SLC45A1: variants seen among roughly 807,000 people sequenced by gnomAD.
SLC45A1 encodes the protein solute carrier family 45 member 1.
SLC45A1 carries 28 observed loss-of-function variants against 57.6 expected under a neutral mutation model. The observed-to-expected ratio is 0.49, with a 90% CI of 0.36 to 0.67. SLC45A1 has a LOEUF of 0.67. Among genes scored for constraint, SLC45A1 ranks in the 30% least tolerant of loss-of-function variants. The pLI is 0.00. For synonymous variants in SLC45A1, 459 were observed against 471.5 expected (o/e 0.97, Z 0.34); for missense variants, 814 against 1,041.5 (o/e 0.78, Z 3.01).
chr1:8,324,762 C>G (rs115332835), intron 2 of SLC45A1, 36 bp downstream of exon 2: 1 of 1,527,574 alleles, frequency 6.5e-7, no homozygotes, highest in Non-Finnish European at 8.8e-7. Flanking sequence ...TGGAGGGCCT[C>G]TGGAAGCCTC....
At chr1:8,338,184 C>T (rs1394633540) in intron 7 of SLC45A1, among the ~76,000 whole-genome samples, 192 bp downstream of exon 7, 1 of 152,252 alleles carries the variant, frequency 6.6e-6, no homozygotes. Context: ...GCTTACCAGC[C>T]TCAGGCCTCC....
At chr1:8,331,938 G>A (rs545912372) in intron 5 of SLC45A1, among the ~76,000 whole-genome samples, 8 of 152,082 alleles carry the variant, frequency 5.3e-5, no homozygotes, top group Admixed American at 1.3e-4. Flanking sequence ...GGCTACAGGC[G>A]CCCGCCACCA....
intron 8 of SLC45A1, among the ~76,000 whole-genome samples, chr1:8,341,642 G>C (rs1211234881): frequency 6.6e-6 from 1 of 151,572 alleles, no homozygotes; most frequent in African/African-American, 2.4e-5. Context: ...CATTTAAAAG[G>C]CCAAACGCAG....
intron 1 of SLC45A1, among the ~76,000 whole-genome samples, chr1:8,321,873 TG>T (rs1640016684): frequency 7.1e-6 from 1 of 140,590 alleles, no homozygotes; most frequent in African/African-American, 2.7e-5. Flanking sequence ...GAAGAGTGGC[TG>T]GTGGATGAAT....
chr1:8,339,655 C>T lies in SLC45A1; in HGVS notation c.1937C>T (p.Thr646Ile), dbSNP rs758661029. 5.6e-6 allele frequency: 9 copies of T among 1,614,120 alleles called. No individual in the cohort carries two copies. The highest frequency in any genetic ancestry group is 6.8e-6 in the Non-Finnish European group (8 of 1,180,046). ...GGGATTTTATTTTCCACCCTGTGCA[C>T]CTTGCCTTACTCGCTGCTCTGCGAT... ...TYGILFSTLC[T>I]LPYSLLCDYY... The change falls in exon 8 of 9, where the codon ACC becomes ATC. Residue 646 changes from threonine (T) to isoleucine (I), a missense_variant. Thr to Ile is a moderately conservative substitution (Grantham distance 89). Transcript: ENST00000471889.
intron 5 of SLC45A1, among the ~76,000 whole-genome samples, chr1:8,331,191 C>A (rs12143547): frequency 9.2e-5 from 14 of 151,614 alleles, no homozygotes. Context: ...GCCTGGGCAA[C>A]GTGGCGAAAC....
intron 1 of SLC45A1, among the ~76,000 whole-genome samples, chr1:8,320,910 C>T (rs1181192189): frequency 6.6e-6 from 1 of 152,054 alleles, no homozygotes; most frequent in African/African-American, 2.4e-5. Flanking sequence ...GGCAGAGGGA[C>T]AGAAAGGGAG....
chr1:8,343,774 C>T lies in SLC45A1; in HGVS notation c.2008C>T (p.Arg670Trp), dbSNP rs781057372. The T allele has an allele frequency of 1.7e-5, 28 of 1,613,474 alleles. No individual in the cohort carries two copies. Among genetic ancestry groups the T allele is most frequent in the Non-Finnish European group, 2.0e-5 (24 of 1,179,714 alleles). Reference sequence around the variant, plus strand: ...TGCAGGGTCCAGTGCGGACGGCACCCGGCGGGGCATGGGCGTGGACATCTC... The same window carrying T: ...TGCAGGGTCCAGTGCGGACGGCACCTGGCGGGGCATGGGCGTGGACATCTC... Reference protein sequence around the residue: ...KFAGSSADGTRRGMGVDISLL... With the variant: ...KFAGSSADGTWRGMGVDISLL... Residue 670 changes from arginine to tryptophan, a missense_variant, in exon 9 of 9, where the codon CGG (arginine) becomes TGG (tryptophan). By Grantham distance (101) the Arg-to-Trp change is moderately radical. Transcript: ENST00000471889. The surrounding 1 kb of genome is among the most constrained non-coding windows in gnomAD (Gnocchi z 7.7).
At chr1:8,319,721 G>A (rs1639940673) in intron 1 of SLC45A1, among the ~76,000 whole-genome samples, 1 of 152,008 alleles carries the variant, frequency 6.6e-6, no homozygotes, top group Admixed American at 6.6e-5. Flanking sequence ...TGTTGTTGTT[G>A]TTGTTGTTTT....
At chr1:8,332,700 G>A (rs996464554) in intron 5 of SLC45A1, among the ~76,000 whole-genome samples, 1 of 151,908 alleles carries the variant, frequency 6.6e-6, no homozygotes, top group Admixed American at 6.6e-5. Context: ...TAGTAGAGAC[G>A]GGGTTTCACC....
rs957418633 is a variant in SLC45A1 at position 8,339,792 on chromosome 1, C to G, written c.1980+94C>G. On this transcript the variant is annotated intron_variant, in intron 8 of 8. Coordinates refer to ENST00000471889, the MANE Select transcript of SLC45A1 (RefSeq NM_001080397.3). ...AGGACCAGCTGCACAATCTGCAGAG[C>G]CCGGTGCAAAATGTCAAGACAGCGA... The G allele has an allele frequency of 1.4e-5, 17 of 1,201,522 alleles. No individual in the cohort carries two copies. In the Admixed American group the frequency reaches 2.2e-4, roughly 16 times the overall value. 74.4% of individuals were successfully genotyped at this position (1,201,522 alleles called of 1,614,324 possible).
intron 1 of SLC45A1, among the ~76,000 whole-genome samples, chr1:8,320,305 A>G (rs1467977288): frequency 2.6e-5 from 4 of 152,138 alleles, no homozygotes; most frequent in African/African-American, 9.7e-5. Flanking sequence ...GGCCGTCTAC[A>G]TAGTCCACTT....
Position 8,344,061 on chromosome 1 carries a change from G to C in SLC45A1, c.*48G>C, listed in dbSNP as rs752482864. ...ACACGCGCCTGCACCTGGGGGTCTG[G>C]AGCAGGCCGACCAGTGAGGACCAAA... On this transcript the variant is annotated 3_prime_UTR_variant, in exon 9 of 9. Coordinates refer to ENST00000471889, the MANE Select transcript of SLC45A1 (RefSeq NM_001080397.3). 2.6e-6 allele frequency: 4 copies of C among 1,556,994 alleles called. No individual in the cohort carries two copies. In the Admixed American group the frequency reaches 7.3e-5, roughly 28 times the overall value.
rs202075290 is a variant in SLC45A1 at position 8,335,536 on chromosome 1, A to G, written c.1543A>G (p.Thr515Ala). 21 of 1,606,246 alleles carry G rather than the reference A, an allele frequency of 1.3e-5. No individual in the cohort carries two copies. The East Asian group carries it at 4.2e-4, about 32-fold the overall frequency. Residue 515 changes from threonine (T) to alanine (A), a missense_variant, in exon 6 of 9, where the codon ACC (threonine) becomes GCC (alanine). Thr to Ala is a moderately conservative substitution (Grantham distance 58). Transcript: ENST00000471889. This position sits in a 1 kb window ranked among gnomAD's most constrained non-coding sequence, Gnocchi z 4.1. ...QPLSVGRLCS[T>A]ICNMPKALRT... ...TCTGTCCGTGGGGCGCCTCTGCTCC[A>G]CCATCTGCAACATGCCCAAGGCGCT...
chr1:8,340,300 C>T (rs746967117), intron 8 of SLC45A1, among the ~76,000 whole-genome samples: 3 of 151,750 alleles, frequency 2.0e-5, no homozygotes, highest in Non-Finnish European at 2.9e-5. Flanking sequence ...GTAACTGGGA[C>T]TACAGGCACG....
intron 5 of SLC45A1, among the ~76,000 whole-genome samples, chr1:8,332,038 T>C (rs569459466): frequency 4.6e-5 from 7 of 152,332 alleles, no homozygotes; most frequent in African/African-American, 9.6e-5. Flanking sequence ...GTGATCCGCC[T>C]GCCTCTGCCT....
intron 8 of SLC45A1, among the ~76,000 whole-genome samples, chr1:8,342,102 G>A (rs1640841682): frequency 6.6e-6 from 1 of 152,110 alleles, no homozygotes; most frequent in South Asian, 2.1e-4. Context: ...AGCTACTCTG[G>A]AGGCTGAGGC....
chr1:8,335,389 G>A lies in SLC45A1; in HGVS notation c.1444-48G>A. On this transcript the variant is annotated intron_variant, in intron 5 of 8. Coordinates refer to ENST00000471889, the MANE Select transcript of SLC45A1 (RefSeq NM_001080397.3). This position sits in a 1 kb window ranked among gnomAD's most constrained non-coding sequence, Gnocchi z 4.1. ...CTGAGCAGAGCAGGGTCTGCGCTGT[G>A]TGATGGGGGTGCGGGGCTCTGATGA... 5 of 1,538,152 alleles carry A rather than the reference G, an allele frequency of 3.3e-6. No homozygotes were observed. The highest frequency in any genetic ancestry group is 4.4e-6 in the Non-Finnish European group (5 of 1,145,542).
Position 8,325,770 on chromosome 1 carries a change from A to C in SLC45A1, c.491-48A>C. The C allele has an allele frequency of 6.1e-5, 94 of 1,536,018 alleles. No homozygotes were observed. The highest frequency in any genetic ancestry group is 7.8e-5 in the Non-Finnish European group (87 of 1,117,726). ...ACATAAGTCGTGAGCTGCCGGGGACAGAGCTGGTCTGCATTTTCTTGGGGT... is the reference window on the plus strand; with the variant it reads ...ACATAAGTCGTGAGCTGCCGGGGACCGAGCTGGTCTGCATTTTCTTGGGGT... On this transcript the variant is annotated intron_variant, in intron 3 of 8. Transcript: ENST00000471889. This position sits in a 1 kb window ranked among gnomAD's most constrained non-coding sequence, Gnocchi z 6.3.
Sources: gnomAD v4.1 joint callset for allele counts (sites outside exome capture counted in the v4.1 genomes callset) on GRCh38, gnomAD v4.1.1 for gene constraint, Gnocchi (gnomAD v3.1) non-coding constraint, MANE v1.5 for transcripts, NCBI Gene and HGNC (gene_info 2026-07-23, HGNC 2026-07-21) for gene names.